The following SGCZ variants were observed in gnomAD, a reference collection of about 807,000 sequenced individuals.
SGCZ encodes zeta-sarcoglycan.
In SGCZ, 40 loss-of-function variants were observed where a neutral mutation model predicts 41.3. The ratio of observed to expected loss-of-function variants is 0.97; its 90% CI spans 0.75 to 1.26. The LOEUF (loss-of-function observed/expected upper bound fraction) is 1.26. SGCZ is among the 50% of genes most tolerant of loss of function. The pLI is 0.00. For synonymous variants in SGCZ, 206 were observed against 137.5 expected (o/e 1.50, Z -3.49); for missense variants, 552 against 369.8 (o/e 1.49, Z -4.04).
At chr8:14,498,871 A>C (rs542262161) in intron 2 of SGCZ, among the ~76,000 whole-genome samples, 1 of 151,316 alleles carries the variant, frequency 6.6e-6, no homozygotes, top group Non-Finnish European at 1.5e-5. Context: ...TTCCTTTTGA[A>C]TGTCTTAGTT....
At chr8:14,501,540 C>T (rs1160367331) in intron 2 of SGCZ, among the ~76,000 whole-genome samples, 1 of 150,992 alleles carries the variant, frequency 6.6e-6, no homozygotes, top group Non-Finnish European at 1.5e-5. Flanking sequence ...TACAAGAGAT[C>T]TATATCGTTG....
At chr8:14,640,753 C>A (rs569086982) in intron 1 of SGCZ, among the ~76,000 whole-genome samples, 1 of 151,472 alleles carries the variant, frequency 6.6e-6, no homozygotes, top group South Asian at 2.1e-4. Context: ...ATCTTCCAAT[C>A]CTCTTAGCCC....
chr8:14,624,775 T>A (rs575037986), intron 1 of SGCZ, among the ~76,000 whole-genome samples: 18 of 151,724 alleles, frequency 1.2e-4, no homozygotes, highest in Non-Finnish European at 2.4e-4. Flanking sequence ...TTCACCATGT[T>A]GGCCAGGCTG....
At chr8:14,889,585 A>G (rs189706912) in intron 1 of SGCZ, among the ~76,000 whole-genome samples, 40 of 152,260 alleles carry the variant, frequency 2.6e-4, no homozygotes, top group Admixed American at 7.8e-4. Flanking sequence ...TATCTATAAA[A>G]TGATGACAAT....
chr8:14,686,581 C>A (rs1366459356), intron 1 of SGCZ, among the ~76,000 whole-genome samples: 1 of 151,912 alleles, frequency 6.6e-6, no homozygotes, highest in African/African-American at 2.4e-5. Flanking sequence ...AGGAAGACGG[C>A]CAGGTTTTCA....
chr8:14,596,079 T>C (rs543273145), intron 1 of SGCZ, among the ~76,000 whole-genome samples: 2 of 152,342 alleles, frequency 1.3e-5, no homozygotes, highest in Admixed American at 6.5e-5. Context: ...AGATGGACTT[T>C]GAATCCTCCA....
chr8:14,168,923 T>C (rs1365432474), intron 4 of SGCZ, among the ~76,000 whole-genome samples: 1 of 152,140 alleles, frequency 6.6e-6, no homozygotes, highest in Non-Finnish European at 1.5e-5. Flanking sequence ...AAATATAAAT[T>C]AATTAATTTA....
intron 1 of SGCZ, among the ~76,000 whole-genome samples, chr8:14,896,324 C>T (rs1050717214): frequency 3.5e-4 from 54 of 152,130 alleles, no homozygotes; most frequent in Non-Finnish European, 6.0e-4. Context: ...CTCTCTTACC[C>T]TCAAATATGT....
At chr8:14,842,610 C>T (rs1265969707) in intron 1 of SGCZ, among the ~76,000 whole-genome samples, 5 of 151,984 alleles carry the variant, frequency 3.3e-5, no homozygotes, top group Non-Finnish European at 7.4e-5. Context: ...GAGTGCCAGG[C>T]AGGGGAAACA....
chr8:14,174,048 T>C (rs969493733), intron 4 of SGCZ, among the ~76,000 whole-genome samples: 8 of 151,850 alleles, frequency 5.3e-5, no homozygotes, highest in African/African-American at 1.7e-4. Context: ...TAATGAAAAA[T>C]AGAGTTTCAA....
At chr8:14,272,109 T>C (rs148425665) in intron 3 of SGCZ, among the ~76,000 whole-genome samples, 1,926 of 152,252 alleles carry the variant, frequency 0.013, 50 homozygotes, top group African/African-American at 0.043. Context: ...GTTCAAGCGA[T>C]TCTCCTGCCT....
chr8:14,207,464 C>A (rs1353349071), intron 4 of SGCZ, among the ~76,000 whole-genome samples: 1 of 152,146 alleles, frequency 6.6e-6, no homozygotes, highest in Non-Finnish European at 1.5e-5. Context: ...TTATACTCAA[C>A]CTTTCTGCAC....
At chr8:15,021,059 G>A (rs989980139) in intron 1 of SGCZ, among the ~76,000 whole-genome samples, 3 of 152,080 alleles carry the variant, frequency 2.0e-5, no homozygotes, top group Non-Finnish European at 2.9e-5. Flanking sequence ...ATTCATCTGG[G>A]ATCAAGTGCT....
intron 4 of SGCZ, among the ~76,000 whole-genome samples, chr8:14,173,388 A>G (rs1804448272): frequency 6.6e-6 from 1 of 152,156 alleles, no homozygotes; most frequent in Non-Finnish European, 1.5e-5. Context: ...GATGAATCCT[A>G]GCAAAGAAAT....
intron 1 of SGCZ, among the ~76,000 whole-genome samples, chr8:14,583,975 G>T (rs1485072127): frequency 6.6e-6 from 1 of 152,010 alleles, no homozygotes; most frequent in Non-Finnish European, 1.5e-5. Context: ...ACGTAATATT[G>T]TGGTTTTGTT....
rs758842225 is a variant in SGCZ at position 14,090,452 on chromosome 8, C to T, written c.930G>A (p.Leu310=). 1.2e-6 allele frequency: 2 copies of T among 1,611,748 alleles called. No individual in the cohort carries two copies. Among genetic ancestry groups the T allele is most frequent in the Non-Finnish European group, 1.7e-6 (2 of 1,178,786 alleles). Residue 310 remains leucine, a synonymous_variant, in exon 8 of 8, where the codon CTG becomes CTA. Coordinates refer to ENST00000382080, the MANE Select transcript of SGCZ (RefSeq NM_139167.4). The part of the protein sequence containing the change: ...STCQSSSNIC[L]WS ...GGAGAAATCAGTCACTTCAGCTCCACAGGCAGATGTTGCTACTGGACTGAC... is the reference window on the plus strand; with the variant it reads ...GGAGAAATCAGTCACTTCAGCTCCATAGGCAGATGTTGCTACTGGACTGAC...
intron 1 of SGCZ, among the ~76,000 whole-genome samples, chr8:14,795,793 T>C (rs1375351846): frequency 2.6e-5 from 4 of 152,074 alleles, no homozygotes; most frequent in African/African-American, 9.7e-5. Flanking sequence ...CTAGTACCCA[T>C]TAGTTATTTT....
chr8:14,315,948 T>G (rs764788382), intron 3 of SGCZ, among the ~76,000 whole-genome samples: 12 of 151,622 alleles, frequency 7.9e-5, no homozygotes, highest in Non-Finnish European at 1.8e-4. Flanking sequence ...TATGTCTATG[T>G]AAAGGGAAAA....
chr8:14,543,352 G>C (rs946651189), intron 2 of SGCZ, among the ~76,000 whole-genome samples: 1 of 151,752 alleles, frequency 6.6e-6, no homozygotes, highest in Non-Finnish European at 1.5e-5. Context: ...ATTAATTATG[G>C]TCTGGACATT....
Sources: allele counts gnomAD v4.1 joint callset (sites outside exome capture counted in the v4.1 genomes callset), GRCh38; gene constraint gnomAD v4.1.1; transcripts MANE v1.5; gene names NCBI Gene and HGNC (gene_info 2026-07-23, HGNC 2026-07-21).